The following CDH18 variants were observed in gnomAD, a reference collection of about 807,000 sequenced individuals.
The protein encoded by CDH18 is cadherin-18.
CDH18 carries 31 observed loss-of-function variants against 67.9 expected under a neutral mutation model. The observed-to-expected ratio is 0.46, with a 90% CI of 0.34 to 0.62. CDH18 has a LOEUF of 0.62. CDH18 is among the 20% of genes least tolerant of loss of function. The pLI, the probability that CDH18 is intolerant of heterozygous loss-of-function variation, is 0.01. For synonymous variants in CDH18, 362 were observed against 347.2 expected (o/e 1.04, Z -0.48); for missense variants, 890 against 975.5 (o/e 0.91, Z 1.17).
chr5:19,838,773 G>A lies in CDH18; in HGVS notation c.214C>T (p.Gln72Ter). Residue 72 changes from glutamine to a stop codon, truncating the protein, a stop_gained, in exon 3 of 13, where the codon CAG (glutamine) becomes TAG (stop). Transcript: ENST00000382275. LOFTEE classifies it high-confidence loss of function. ...CAAAATCTTACCTTTCCAACATACT[G>A]AGGATCTGGTCCCATATGTTCTTCT... The part of the protein sequence containing the change: ...VLEEHMGPDP[Q>*]YVGKLHSNSD... 1 of 1,611,006 alleles carries A rather than the reference G, an allele frequency of 6.2e-7. No homozygotes were observed. Among genetic ancestry groups the A allele is most frequent in the Non-Finnish European group, 8.5e-7 (1 of 1,177,346 alleles).
intron 2 of CDH18, among the ~76,000 whole-genome samples, chr5:19,895,657 C>T (rs959783368): frequency 2.6e-5 from 4 of 152,214 alleles, no homozygotes; most frequent in Admixed American, 2.0e-4. Context: ...TACAGCCATA[C>T]CACAACGAAA....
intron 1 of CDH18, chr5:20,304,086 C>G (rs1736193621): frequency 6.2e-6 from 10 of 1,610,910 alleles, no homozygotes. Context: ...TGCAACTCGT[C>G]TGCATCCTCG....
At chr5:20,561,120 G>A (rs1218620191) in intron 1 of CDH18, among the ~76,000 whole-genome samples, 2 of 152,092 alleles carry the variant, frequency 1.3e-5, no homozygotes, top group East Asian at 1.9e-4. Flanking sequence ...TGCTGGCAAG[G>A]ATATGAAGCA....
chr5:19,859,138 G>A (rs911048882), intron 2 of CDH18, among the ~76,000 whole-genome samples: 1 of 152,116 alleles, frequency 6.6e-6, no homozygotes, highest in African/African-American at 2.4e-5. Context: ...ACCGATGGAT[G>A]CTCACCTCAG....
At chr5:20,431,987 C>T (rs1748784284) in intron 1 of CDH18, among the ~76,000 whole-genome samples, 1 of 152,092 alleles carries the variant, frequency 6.6e-6, no homozygotes, top group African/African-American at 2.4e-5. Flanking sequence ...GTATTTGCCT[C>T]ACTTTTTGAA....
chr5:20,224,891 G>T (rs1741491164), intron 2 of CDH18, among the ~76,000 whole-genome samples: 1 of 151,808 alleles, frequency 6.6e-6, no homozygotes, highest in Non-Finnish European at 1.5e-5. Flanking sequence ...ATATAAACAT[G>T]CATTAATATC....
intron 9 of CDH18, among the ~76,000 whole-genome samples, chr5:19,527,643 T>C (rs1475490876): frequency 6.6e-6 from 1 of 151,798 alleles, no homozygotes; most frequent in East Asian, 1.9e-4. Flanking sequence ...TAAGGTCTGT[T>C]ATTTCATAGG....
At chr5:20,160,905 G>A (rs1447832240) in intron 2 of CDH18, among the ~76,000 whole-genome samples, 1 of 152,128 alleles carries the variant, frequency 6.6e-6, no homozygotes, top group East Asian at 1.9e-4. Context: ...ATTTTTAAAT[G>A]GTTATAAAAA....
intron 10 of CDH18, among the ~76,000 whole-genome samples, chr5:19,508,562 A>T (rs920976717): frequency 2.8e-5 from 4 of 145,354 alleles, no homozygotes; most frequent in Non-Finnish European, 6.1e-5. Flanking sequence ...TACATTACAA[A>T]AGCAAAGGGT....
chr5:20,061,840 C>A (rs1176938329), intron 2 of CDH18, among the ~76,000 whole-genome samples: 3 of 152,016 alleles, frequency 2.0e-5, no homozygotes, highest in Admixed American at 6.6e-5. Context: ...TTATTCTTTC[C>A]TTTTAGTTTA....
chr5:20,341,426 C>T (rs759902182), intron 1 of CDH18, among the ~76,000 whole-genome samples: 1 of 152,018 alleles, frequency 6.6e-6, no homozygotes, highest in Non-Finnish European at 1.5e-5. Context: ...ACTGGCTCTT[C>T]TTGCTCCTCA....
At chr5:20,301,504 A>G (rs970857465) in intron 1 of CDH18, among the ~76,000 whole-genome samples, 1 of 152,140 alleles carries the variant, frequency 6.6e-6, no homozygotes, top group Non-Finnish European at 1.5e-5. Flanking sequence ...AGACCTCCCC[A>G]TCATCTACCA....
intron 2 of CDH18, among the ~76,000 whole-genome samples, chr5:20,048,444 T>C (rs2060897253): frequency 6.6e-6 from 1 of 151,824 alleles, no homozygotes; most frequent in Admixed American, 6.6e-5. Context: ...AAGTTCCTAC[T>C]ACATCTCTAC....
At chr5:20,215,496 C>A in intron 2 of CDH18, among the ~76,000 whole-genome samples, 1 of 151,338 alleles carries the variant, frequency 6.6e-6, no homozygotes, top group Non-Finnish European at 1.5e-5. Flanking sequence ...GACAAGGTTG[C>A]AGGGAAAAGG....
chr5:19,495,431 G>C (rs1170191215), intron 11 of CDH18, among the ~76,000 whole-genome samples: 4 of 152,026 alleles, frequency 2.6e-5, no homozygotes, highest in Non-Finnish European at 2.9e-5. Context: ...AAAACAAAGA[G>C]AGAAGCTTAA....
chr5:20,230,938 T>C (rs1032823245), intron 2 of CDH18, among the ~76,000 whole-genome samples: 2 of 152,160 alleles, frequency 1.3e-5, no homozygotes, highest in Non-Finnish European at 2.9e-5. Flanking sequence ...ATAAAAGGTA[T>C]AGATGTTAAA....
intron 1 of CDH18, among the ~76,000 whole-genome samples, chr5:20,376,126 C>T (rs1459279742): frequency 3.6e-4 from 3 of 8,264 alleles, no homozygotes; most frequent in Non-Finnish European, 1.1e-3. Flanking sequence ...CGGAGTCTCC[C>T]TCTGTCACCC....
intron 2 of CDH18, among the ~76,000 whole-genome samples, chr5:19,849,939 G>T (rs1395581372): frequency 6.6e-6 from 1 of 151,584 alleles, no homozygotes; most frequent in African/African-American, 2.4e-5. Context: ...ATTTGTCTCA[G>T]ATGAAATTTG....
chr5:20,237,085 T>A (rs1212098641), intron 2 of CDH18, among the ~76,000 whole-genome samples: 1 of 151,958 alleles, frequency 6.6e-6, no homozygotes, highest in South Asian at 2.1e-4. Context: ...TAAAGCTCAA[T>A]ATAGTTTTTT....
Sources: allele counts gnomAD v4.1 joint callset (sites outside exome capture counted in the v4.1 genomes callset), GRCh38; gene constraint gnomAD v4.1.1; transcripts MANE v1.5; gene names NCBI Gene and HGNC (gene_info 2026-07-23, HGNC 2026-07-21).